The following SIDT1 variants were observed in gnomAD, a reference collection of about 807,000 sequenced individuals.
SIDT1 encodes the protein SID1 transmembrane family, member 1.
Under a neutral mutation model 107.5 loss-of-function variants are expected in SIDT1, and 101 were observed. The ratio of observed to expected loss-of-function variants is 0.94; its 90% CI spans 0.80 to 1.11. The LOEUF (loss-of-function observed/expected upper bound fraction) is 1.11, where lower values mean the gene tolerates loss of function less well. SIDT1 is among the 50% of genes least tolerant of loss of function. The probability of loss-of-function intolerance (pLI) is 0.00; values close to 1 mark genes in which losing one functional copy is unlikely to be tolerated. For synonymous variants in SIDT1, 395 were observed against 398.2 expected, an observed-to-expected ratio of 0.99 and a Z score of 0.10; for missense variants, 1,076 against 1,058.2, an observed-to-expected ratio of 1.02 and a Z score of -0.23.
chr3:113,551,648 T>C (rs1262749104), intron 1 of SIDT1, among the ~76,000 whole-genome samples: 1 of 152,208 alleles, frequency 6.6e-6, no homozygotes, highest in Non-Finnish European at 1.5e-5. Context: ...TTTATTATCG[T>C]TTTCCCCCAA....
At chr3:113,599,519 G>A (rs1238547121) in intron 10 of SIDT1, among the ~76,000 whole-genome samples, 1 of 152,212 alleles carries the variant, frequency 6.6e-6, no homozygotes, top group African/African-American at 2.4e-5. Flanking sequence ...GATAAGTTTT[G>A]TCTAATACAA....
rs1016989927 is a variant in SIDT1, at chr3:113,628,016, G to T, written c.*308G>T. ...ATCCAAGTCAACTCACCATCTTGGG[G>T]TCCCTCCCACCCTCACGGAGACTTG... On this transcript the variant is annotated 3_prime_UTR_variant, in exon 25 of 25. Transcript: ENST00000264852. The T allele has an allele frequency of 8.0e-6, 3 of 372,886 alleles. No individual in the cohort carries two copies. The highest frequency in any genetic ancestry group is 6.2e-5 in the African/African-American group (3 of 48,082). The allele number at this position is 372,886 out of a possible 1,614,324, so 23.1% of individuals were successfully genotyped here.
At chr3:113,565,673 T>C (rs1941834262) in intron 1 of SIDT1, among the ~76,000 whole-genome samples, 1 of 152,244 alleles carries the variant, frequency 6.6e-6, no homozygotes, top group African/African-American at 2.4e-5. Flanking sequence ...ATAGTGTTAC[T>C]GATATAAAAA....
At chr3:113,582,663 T>A (rs2107526511) in intron 6 of SIDT1, among the ~76,000 whole-genome samples, 1 of 152,168 alleles carries the variant, frequency 6.6e-6, no homozygotes, top group Non-Finnish European at 1.5e-5. Context: ...CCTAACCTTT[T>A]GGGCAGAGGT....
chr3:113,567,962 T>C (rs1367407451), intron 3 of SIDT1: 1 of 384,776 alleles, frequency 2.6e-6, no homozygotes, highest in African/African-American at 2.1e-5. Context: ...GTGAGGAACC[T>C]GTCCAGCCTG....
chr3:113,537,692 C>T (rs974869069), intron 1 of SIDT1, among the ~76,000 whole-genome samples: 1 of 152,242 alleles, frequency 6.6e-6, no homozygotes, highest in African/African-American at 2.4e-5. Flanking sequence ...TGGTGAGGCC[C>T]TGCTTCCTGG....
At chr3:113,555,917 C>T (rs1390550427) in intron 1 of SIDT1, among the ~76,000 whole-genome samples, 2 of 148,266 alleles carry the variant, frequency 1.3e-5, no homozygotes, top group Admixed American at 6.8e-5. Flanking sequence ...AGGAAACAGA[C>T]AGTCAATAAC....
intron 10 of SIDT1, among the ~76,000 whole-genome samples, chr3:113,594,702 G>A (rs1010330023): frequency 2.0e-5 from 3 of 152,080 alleles, no homozygotes; most frequent in East Asian, 3.9e-4. Flanking sequence ...GATGGTAAGC[G>A]GAAACAAATG....
chr3:113,599,255 C>G (rs1229252986), intron 10 of SIDT1, among the ~76,000 whole-genome samples: 1 of 152,332 alleles, frequency 6.6e-6, no homozygotes, highest in Middle Eastern at 3.4e-3. Flanking sequence ...CCATGAGACT[C>G]CCTGCAATAA....
chr3:113,592,577 T>C (rs563357217), intron 9 of SIDT1: 18 of 154,242 alleles, frequency 1.2e-4, no homozygotes, highest in Non-Finnish European at 2.1e-4. Flanking sequence ...TGTTGTTGTT[T>C]GTTTTGTTTT....
chr3:113,558,777 G>T (rs189944627), intron 1 of SIDT1, among the ~76,000 whole-genome samples: 1 of 152,306 alleles, frequency 6.6e-6, no homozygotes, highest in East Asian at 1.9e-4. Context: ...TATCGATGAC[G>T]CTGTGGCAAA....
intron 1 of SIDT1, among the ~76,000 whole-genome samples, chr3:113,563,518 C>T (rs1229522867): frequency 1.3e-5 from 2 of 152,136 alleles, no homozygotes; most frequent in Non-Finnish European, 2.9e-5. Context: ...AGTTTGCAGG[C>T]AATACAGGAG....
chr3:113,627,493 C>G (rs1490596183), intron 24 of SIDT1, among the ~76,000 whole-genome samples, 153 bp from the exon 25 acceptor site: 1 of 152,206 alleles, frequency 6.6e-6, no homozygotes, highest in East Asian at 1.9e-4. Flanking sequence ...TAATAAGTGC[C>G]TATTAAGAGC....
intron 4 of SIDT1, 40 bp from the exon 5 acceptor site, chr3:113,580,568 A>C: frequency 7.9e-7 from 1 of 1,262,118 alleles, no homozygotes; most frequent in Non-Finnish European, 1.2e-6. Context: ...AATCCCATTC[A>C]TGTAAATATA....
intron 1 of SIDT1, among the ~76,000 whole-genome samples, chr3:113,554,491 T>C (rs529125586): frequency 6.6e-6 from 1 of 152,222 alleles, no homozygotes; most frequent in South Asian, 2.1e-4. Flanking sequence ...TCTCACAAGA[T>C]CTAATGGCTT....
At chr3:113,636,815 C>T in the SIDT1 span, among the ~76,000 whole-genome samples, 3 of 152,138 alleles carry the variant, frequency 2.0e-5, no homozygotes, top group Non-Finnish European at 2.9e-5. Flanking sequence ...GCTGTTGACC[C>T]TGATCAACTA....
At chr3:113,627,133 T>C (rs1946913582) in intron 24 of SIDT1, among the ~76,000 whole-genome samples, 1 of 152,186 alleles carries the variant, frequency 6.6e-6, no homozygotes, top group African/African-American at 2.4e-5. Context: ...GGTACATTTC[T>C]TATATAGCAA....
At chr3:113,535,576 T>G (rs1052422896) in intron 1 of SIDT1, among the ~76,000 whole-genome samples, 6 of 152,252 alleles carry the variant, frequency 3.9e-5, no homozygotes, top group Admixed American at 3.3e-4. Context: ...TTTGAAAATA[T>G]TTTTGAATGA....
chr3:113,579,421 C>A (rs377390346), intron 4 of SIDT1, among the ~76,000 whole-genome samples: 1 of 152,060 alleles, frequency 6.6e-6, no homozygotes, highest in South Asian at 2.1e-4. Flanking sequence ...TCCTGGGAAA[C>A]AAGAACACTC....
Sources: gnomAD v4.1 joint callset for allele counts (sites outside exome capture counted in the v4.1 genomes callset) on GRCh38, gnomAD v4.1.1 for gene constraint, MANE v1.5 for transcripts, NCBI Gene and HGNC (gene_info 2026-07-23, HGNC 2026-07-21) for gene names.